The following EFCAB11 variants were observed in gnomAD, a reference collection of about 807,000 sequenced individuals.
EFCAB11 encodes EF-hand calcium binding domain 11.
A neutral mutation model predicts 23.0 loss-of-function variants in EFCAB11; 14 were observed. The ratio of observed to expected loss-of-function variants is 0.61; its 90% confidence interval spans 0.40 to 0.95. EFCAB11 has a LOEUF of 0.95. Among genes scored for constraint, EFCAB11 ranks in the 40% least tolerant of loss-of-function variants. EFCAB11 has a pLI of 0.00. For synonymous variants in EFCAB11, 65 were observed against 66.6 expected (o/e 0.98, Z 0.11); for missense variants, 198 against 195.8 (o/e 1.01, Z -0.07).
At chr14:89,905,737 G>A (rs1383125307) in intron 5 of EFCAB11, among the ~76,000 whole-genome samples, 2 of 152,204 alleles carry the variant, frequency 1.3e-5, no homozygotes, top group Non-Finnish European at 2.9e-5. Flanking sequence ...CTTGAGGACC[G>A]AGTTATGGAG....
intron 5 of EFCAB11, among the ~76,000 whole-genome samples, chr14:89,828,287 T>C (rs975849607): frequency 6.6e-6 from 1 of 152,248 alleles, no homozygotes; most frequent in African/African-American, 2.4e-5. Flanking sequence ...CTTTATACGT[T>C]TTAATTTTTA....
intron 3 of EFCAB11, among the ~76,000 whole-genome samples, chr14:89,941,625 A>G (rs1890797954): frequency 6.7e-6 from 1 of 149,560 alleles, no homozygotes; most frequent in East Asian, 2.0e-4. Context: ...TCTGTTGCCC[A>G]GGCTGGTCTC....
rs191613192 is a variant in EFCAB11, at chr14:89,806,603, C to T, written c.411-9279G>A. Among the ~76,000 whole-genome samples the T allele has an allele frequency of 2.4e-3, 361 of 152,274 alleles. 2 individuals are homozygous for T. Among genetic ancestry groups the T allele is most frequent in the African/African-American group, 8.3e-3 (344 of 41,552 alleles). ...CACTAAGATCTTCCATTCTTCCCCC[C>T]ATGCCGTAAATATGCAACTACCACA... On this transcript the variant is annotated intron_variant, in intron 5 of 5. Transcript: ENST00000316738.
chr14:89,922,221 C>T (rs997358687), intron 5 of EFCAB11, among the ~76,000 whole-genome samples: 11 of 152,230 alleles, frequency 7.2e-5, no homozygotes, highest in Non-Finnish European at 1.3e-4. Flanking sequence ...ATAGTGACAT[C>T]CCAAAAACTA....
chr14:89,914,508 G>T (rs377546120), intron 5 of EFCAB11, among the ~76,000 whole-genome samples: 1 of 152,194 alleles, frequency 6.6e-6, no homozygotes, highest in Non-Finnish European at 1.5e-5. Flanking sequence ...TGAAAGGCTG[G>T]GTACAGTGGC....
chr14:89,826,705 A>ATT (rs34194569), intron 5 of EFCAB11, among the ~76,000 whole-genome samples: 1 of 150,164 alleles, frequency 6.7e-6, no homozygotes, highest in Non-Finnish European at 1.5e-5. Context: ...TGAGCTTGTC[A>ATT]TTTTTTTTTT....
chr14:89,939,921 T>TA (rs1226629523), intron 3 of EFCAB11, among the ~76,000 whole-genome samples: 2 of 152,158 alleles, frequency 1.3e-5, no homozygotes, highest in African/African-American at 4.8e-5. Flanking sequence ...GTATTTTTAA[T>TA]AGAGACAGTG....
chr14:89,805,318 C>T (rs1409863548), intron 5 of EFCAB11, among the ~76,000 whole-genome samples: 4 of 152,216 alleles, frequency 2.6e-5, no homozygotes, highest in Non-Finnish European at 5.9e-5. Flanking sequence ...ATCCCACTCT[C>T]CTTACCACAG....
intron 5 of EFCAB11, among the ~76,000 whole-genome samples, chr14:89,895,520 G>A (rs139251554): frequency 6.6e-6 from 1 of 152,250 alleles, no homozygotes; most frequent in African/African-American, 2.4e-5. Context: ...AGAAAACACA[G>A]GAGCAGAGGC....
rs576565014 is a variant in EFCAB11 at position 89,928,138 on chromosome 14, G to A, written c.410+3403C>T. 2.0e-5 allele frequency among the ~76,000 whole-genome samples: 3 copies of A among 152,222 alleles called. No individual in the cohort carries two copies. In the East Asian group the frequency reaches 5.8e-4, roughly 29 times the overall value. Reference sequence around the variant, plus strand: ...ATCTTCTTTGGCTGTATGTTACAGTGGTTTCCAAACTGTTTTGGTCTCACA... The same window carrying A: ...ATCTTCTTTGGCTGTATGTTACAGTAGTTTCCAAACTGTTTTGGTCTCACA... On this transcript the variant is annotated intron_variant, in intron 5 of 5. Coordinates refer to ENST00000316738, the MANE Select transcript of EFCAB11 (RefSeq NM_145231.4).
At chr14:89,814,445 C>T (rs190133058) in intron 5 of EFCAB11, among the ~76,000 whole-genome samples, 7 of 152,304 alleles carry the variant, frequency 4.6e-5, no homozygotes, top group Middle Eastern at 3.4e-3. Context: ...TGGCTCATGC[C>T]TGTAATCCCA....
At chr14:89,870,796 C>T (rs1470573213) in intron 5 of EFCAB11, among the ~76,000 whole-genome samples, 2 of 149,174 alleles carry the variant, frequency 1.3e-5, no homozygotes, top group Non-Finnish European at 3.0e-5. Flanking sequence ...AAAAAATTAG[C>T]CAGGCATGGT....
rs1490362729 is a variant in EFCAB11, at chr14:89,795,410, C to G, written c.*1833G>C. The G allele has an allele frequency of 6.6e-6, 1 of 151,976 alleles. No homozygotes were observed. Among genetic ancestry groups the G allele is most frequent in the Non-Finnish European group, 1.5e-5 (1 of 68,030 alleles). 9.4% of individuals were successfully genotyped at this position (151,976 alleles called of 1,614,324 possible). ...TTTTTATTGGCCAGGCATGGTGGCT[C>G]ACGCCTGTAATCCCAGCACTTTGGG... is the stretch of plus-strand genomic sequence containing the variant. On this transcript the variant is annotated 3_prime_UTR_variant, in exon 6 of 6. Coordinates refer to ENST00000316738, the MANE Select transcript of EFCAB11 (RefSeq NM_145231.4).
At position 89,860,357 on chromosome 14, in the gene EFCAB11, C is replaced by T. The variant is rs542298090; in HGVS notation, c.411-63033G>A. 2.3e-3 allele frequency among the ~76,000 whole-genome samples: 339 copies of T among 150,398 alleles called. 1 individual carries two copies. Among genetic ancestry groups the T allele is most frequent in the African/African-American group, 8.2e-3 (328 of 39,912 alleles). ...CCAGCCTGGGCGACAAGAGTGAAAA[C>T]TCCATCTCAAAACAAACAAACAAAC... On this transcript the variant is annotated intron_variant, in intron 5 of 5. Coordinates refer to ENST00000316738, the MANE Select transcript of EFCAB11 (RefSeq NM_145231.4).
chr14:89,917,643 A>C (rs962919995), intron 5 of EFCAB11, among the ~76,000 whole-genome samples: 13 of 152,236 alleles, frequency 8.5e-5, no homozygotes, highest in Admixed American at 2.0e-4. Flanking sequence ...CAAGAAAATA[A>C]CATTTTGAGG....
intron 3 of EFCAB11, among the ~76,000 whole-genome samples, chr14:89,933,748 G>A (rs8021462): frequency 0.065 from 9,945 of 152,166 alleles, 1,086 homozygotes; most frequent in African/African-American, 0.23. Context: ...CATTACACAG[G>A]TTCAACTGCA....
Position 89,916,604 on chromosome 14 carries a change from T to C in EFCAB11, c.410+14937A>G, listed in dbSNP as rs146352098. ...TCCAATTCAACACATAATTTGAACA[T>C]GTAAACTTTGATCAGATTAATTCTA... On this transcript the variant is annotated intron_variant, in intron 5 of 5. Coordinates refer to ENST00000316738, the MANE Select transcript of EFCAB11 (RefSeq NM_145231.4). Among the ~76,000 whole-genome samples the C allele has an allele frequency of 8.6e-4, 131 of 152,346 alleles. No homozygotes were observed. The East Asian group carries it at 0.02, about 23-fold the overall frequency.
At position 89,922,370 on chromosome 14, in the gene EFCAB11, G is replaced by A. The variant is rs535821839; in HGVS notation, c.410+9171C>T. On this transcript the variant is annotated intron_variant, in intron 5 of 5. Transcript: ENST00000316738. ...GGTATGCAGGGAAAATAAAGGAGAC[G>A]GCCATGCCATTCTCCATGATAGATG... 5.9e-5 allele frequency among the ~76,000 whole-genome samples: 9 copies of A among 152,306 alleles called. No homozygotes were observed. The South Asian group carries it at 8.3e-4, about 14-fold the overall frequency.
rs1478908715 is a variant in EFCAB11, at chr14:89,810,495, T to C, written c.411-13171A>G. On this transcript the variant is annotated intron_variant, in intron 5 of 5. Transcript: ENST00000316738. Reference sequence around the variant, plus strand: ...CAGTCTTTTCACTTTTATAAATGTATCACTGAACACATTGAGTAACTATGC... The same window carrying C: ...CAGTCTTTTCACTTTTATAAATGTACCACTGAACACATTGAGTAACTATGC... Among the ~76,000 whole-genome samples, 7 of 152,282 alleles carry C rather than the reference T, an allele frequency of 4.6e-5. No individual in the cohort carries two copies. The East Asian group carries it at 1.3e-3, about 29-fold the overall frequency.
Sources: gnomAD v4.1 joint callset for allele counts (sites outside exome capture counted in the v4.1 genomes callset) on GRCh38, gnomAD v4.1.1 for gene constraint, MANE v1.5 for transcripts, NCBI Gene and HGNC (gene_info 2026-07-23, HGNC 2026-07-21) for gene names.